The following SPTBN1 variants were observed in gnomAD, a reference collection of about 807,000 sequenced individuals.
The protein encoded by SPTBN1 is spectrin beta chain, non-erythrocytic 1.
In SPTBN1, 32 loss-of-function variants were observed where a neutral mutation model predicts 266.4. The ratio of observed to expected loss-of-function variants is 0.12; its 90% CI spans 0.09 to 0.16. The LOEUF is 0.16. Ranked by LOEUF, SPTBN1 falls within the 10% of genes least tolerant of loss-of-function variation. The pLI is 1.00. For synonymous variants in SPTBN1, 1,336 were observed against 1,162.2 expected (o/e 1.15, Z -3.04); for missense variants, 2,296 against 3,067.1 (o/e 0.75, Z 5.94).
At position 54,631,588 on chromosome 2, in the gene SPTBN1, G is replaced by A; in HGVS notation, c.3541G>A (p.Ala1181Thr). ...GCAGTTCCTCAGAGACACGAAGCAA[G>A]CCGAAGCCTTTCTTAACAACCAGGT... ...YQQFLRDTKQ[A>T]EAFLNNQEYV... The change falls in exon 16 of 36, where the codon GCC (alanine) becomes ACC (threonine). Residue 1181 changes from alanine (A) to threonine (T), a missense_variant. Ala to Thr is a moderately conservative substitution (Grantham distance 58). Transcript: ENST00000356805. 6.2e-7 allele frequency: 1 copy of A among 1,611,880 alleles called. No individual in the cohort carries two copies. Among genetic ancestry groups the A allele is most frequent in the Non-Finnish European group, 8.5e-7 (1 of 1,178,712 alleles).
At chr2:54,505,386 G>T (rs570008995) in intron 1 of SPTBN1, among the ~76,000 whole-genome samples, 3 of 152,154 alleles carry the variant, frequency 2.0e-5, no homozygotes, top group Non-Finnish European at 4.4e-5. Flanking sequence ...TTTAAACATT[G>T]TTTCAGTGTG....
rs1157240809 is a variant in SPTBN1 at position 54,668,527 on chromosome 2, A to G, written c.7053A>G (p.Lys2351=). The change falls in exon 36 of 36, where the codon AAA becomes AAG. Residue 2351 remains lysine, a synonymous_variant. Coordinates refer to ENST00000356805, the MANE Select transcript of SPTBN1 (RefSeq NM_003128.3). The stretch of plus-strand genomic sequence containing the variant: ...GCAAGCGGGAAAAGGACAAAGAGAA[A>G]GACAAAGAGAAGCGGTTCAGCCTTT... The part of the protein sequence containing the change: ...SPGKREKDKE[K]DKEKRFSLFG... 3.1e-6 allele frequency: 5 copies of G among 1,614,040 alleles called. No individual in the cohort carries two copies. Among genetic ancestry groups the G allele is most frequent in the Non-Finnish European group, 4.2e-6 (5 of 1,180,008 alleles).
In SPTBN1 at chr2:54,630,042, C is replaced by G. The variant is rs866520496; in HGVS notation, c.2807+13C>G. On this transcript the variant is annotated intron_variant, in intron 15 of 35. Coordinates refer to ENST00000356805, the MANE Select transcript of SPTBN1 (RefSeq NM_003128.3). ...AACTCAACACAAGGTGAGCACGTGG[C>G]CAGCAGTGTGCCAGCCTCCCACGTG... is the stretch of plus-strand genomic sequence containing the variant. The G allele has an allele frequency of 5.0e-6, 8 of 1,611,652 alleles. No homozygotes were observed. In the Middle Eastern group the frequency reaches 1.3e-3, roughly 266 times the overall value.
In SPTBN1 at chr2:54,459,586, G is replaced by T. The variant is rs555168563; in HGVS notation, c.-48+3068G>T. 2.4e-4 allele frequency among the ~76,000 whole-genome samples: 35 copies of T among 145,970 alleles called. No homozygotes were observed. The South Asian group carries it at 4.5e-3, about 19-fold the overall frequency. On this transcript the variant is annotated intron_variant, in intron 1 of 35. Transcript: ENST00000356805. Reference sequence around the variant, plus strand: ...TTCTTTTTAATAGCATATTCTTATAGAACATTTTAAAGCCTAATTTTTTTT... The same window carrying T: ...TTCTTTTTAATAGCATATTCTTATATAACATTTTAAAGCCTAATTTTTTTT...
chr2:54,458,418 A>G (rs1023280999), intron 1 of SPTBN1, among the ~76,000 whole-genome samples: 1 of 152,220 alleles, frequency 6.6e-6, no homozygotes, highest in Non-Finnish European at 1.5e-5. Flanking sequence ...TATTAGGTGT[A>G]TGAGTGTCAT....
chr2:54,654,632 G>A (rs532529193), intron 27 of SPTBN1, among the ~76,000 whole-genome samples: 6 of 152,252 alleles, frequency 3.9e-5, no homozygotes, highest in South Asian at 4.1e-4. Context: ...TAAGGAGACC[G>A]TATTAGCTGC....
Position 54,655,944 on chromosome 2 carries a change from A to G in SPTBN1, c.5992A>G (p.Lys1998Glu), listed in dbSNP as rs1488365737. 2 of 1,613,584 alleles carry G rather than the reference A, an allele frequency of 1.2e-6. No individual in the cohort carries two copies. Among genetic ancestry groups the G allele is most frequent in the South Asian group, 1.1e-5 (1 of 91,052 alleles). The change falls in exon 29 of 36, where the codon AAG (lysine) becomes GAG (glutamate). Residue 1998 changes from lysine to glutamate, a missense_variant. Lys to Glu is a moderately conservative substitution (Grantham distance 56). Coordinates refer to ENST00000356805, the MANE Select transcript of SPTBN1 (RefSeq NM_003128.3). ...GGAAAAATTACTGCAGTTGACGGAAAAGAGGAAAGAAATGATCGACAAGTG... is the reference window on the plus strand; with the variant it reads ...GGAAAAATTACTGCAGTTGACGGAAGAGAGGAAAGAAATGATCGACAAGTG... ...IKEKLLQLTE[K>E]RKEMIDKWED... is the part of the protein sequence containing the mutation.
intron 2 of SPTBN1, among the ~76,000 whole-genome samples, chr2:54,534,668 A>C (rs1671490218): frequency 6.6e-6 from 1 of 152,180 alleles, no homozygotes; most frequent in African/African-American, 2.4e-5. Flanking sequence ...CTATAGACCC[A>C]GTTTCTCCCC....
intron 28 of SPTBN1, 64 bp downstream of exon 28, chr2:54,655,272 A>C: frequency 6.3e-7 from 1 of 1,589,558 alleles, no homozygotes; most frequent in South Asian, 1.1e-5. Context: ...TTTGTTTTAT[A>C]TGTTTGTGTG....
At chr2:54,618,989 A>G (rs1304184939) in intron 7 of SPTBN1, among the ~76,000 whole-genome samples, 1 of 152,240 alleles carries the variant, frequency 6.6e-6, no homozygotes, top group Admixed American at 6.5e-5. Flanking sequence ...ATGAGCTCTC[A>G]TAGGAACTTT....
intron 18 of SPTBN1, among the ~76,000 whole-genome samples, chr2:54,639,871 G>A (rs1679412043): frequency 6.6e-6 from 1 of 152,160 alleles, no homozygotes; most frequent in African/African-American, 2.4e-5. Context: ...TTTATGTCCA[G>A]GAGATGATTT....
At chr2:54,662,179 G>A (rs1160104418) in intron 32 of SPTBN1, 2 of 985,260 alleles carry the variant, frequency 2.0e-6, no homozygotes, top group Non-Finnish European at 2.4e-6. Flanking sequence ...GGGGTTGCGA[G>A]GGATGTGTTC....
chr2:54,632,422 C>A, intron 16 of SPTBN1, 144 bp from the exon 17 acceptor site: 1 of 945,198 alleles, frequency 1.1e-6, no homozygotes. Flanking sequence ...TTTTTTCCTC[C>A]TAACTTTTAA....
intron 1 of SPTBN1, among the ~76,000 whole-genome samples, chr2:54,523,016 T>C (rs951743653): frequency 6.6e-6 from 1 of 152,200 alleles, no homozygotes; most frequent in Non-Finnish European, 1.5e-5. Context: ...ACTTTCACAT[T>C]TTCTCCCTAG....
intron 1 of SPTBN1, among the ~76,000 whole-genome samples, chr2:54,467,999 A>G (rs1279418198): frequency 2.6e-5 from 4 of 152,214 alleles, no homozygotes; most frequent in Non-Finnish European, 4.4e-5. Flanking sequence ...GACCCCGGAA[A>G]CATACAGTTA....
chr2:54,491,460 T>A (rs900018791), intron 1 of SPTBN1, among the ~76,000 whole-genome samples: 1 of 152,240 alleles, frequency 6.6e-6, no homozygotes, highest in Non-Finnish European at 1.5e-5. Flanking sequence ...TAAGAATAAC[T>A]TCTTGGAGTA....
At chr2:54,535,049 G>T (rs893461752) in intron 2 of SPTBN1, 2 of 152,134 alleles carry the variant, frequency 1.3e-5, no homozygotes, top group Admixed American at 6.5e-5. Context: ...CTTTTGAGGC[G>T]CTCCGTTCTT....
chr2:54,505,728 G>A (rs991344206), intron 1 of SPTBN1, among the ~76,000 whole-genome samples: 1 of 152,182 alleles, frequency 6.6e-6, no homozygotes, highest in Non-Finnish European at 1.5e-5. Flanking sequence ...TAACAGTGAA[G>A]CTTCCTTTAG....
Position 54,653,530 on chromosome 2 carries a change from C to A in SPTBN1, c.5578-79C>A. 1 of 1,557,778 alleles carries A rather than the reference C, an allele frequency of 6.4e-7. No individual in the cohort carries two copies. Among genetic ancestry groups the A allele is most frequent in the Non-Finnish European group, 8.6e-7 (1 of 1,160,022 alleles). On this transcript the variant is annotated intron_variant, in intron 26 of 35. Coordinates refer to ENST00000356805, the MANE Select transcript of SPTBN1 (RefSeq NM_003128.3). The surrounding 1 kb of genome is among the most constrained non-coding windows in gnomAD (Gnocchi z 5.1). ...CTCTGTGCTCCCTTTAGTGTATGAG[C>A]AGAACAGAATAGGGCTTGGGGTGAT...
Sources: gnomAD v4.1 joint callset for allele counts (sites outside exome capture counted in the v4.1 genomes callset) on GRCh38, gnomAD v4.1.1 for gene constraint, Gnocchi (gnomAD v3.1) non-coding constraint, MANE v1.5 for transcripts, NCBI Gene and HGNC (gene_info 2026-07-23, HGNC 2026-07-21) for gene names.